The following USH2A variants were observed in gnomAD, a reference collection of about 807,000 sequenced individuals.
The protein encoded by USH2A is Usher syndrome 2A (autosomal recessive, mild).
USH2A carries 443 observed loss-of-function variants against 538.9 expected under a neutral mutation model. The ratio of observed to expected loss-of-function variants is 0.82; its 90% confidence interval spans 0.76 to 0.89. USH2A has a LOEUF of 0.89. Among genes scored for constraint, USH2A ranks in the 40% least tolerant of loss-of-function variants. The pLI is 0.00. For missense variants in USH2A, 6,633 were observed against 6,324.8 expected (o/e 1.05, Z -1.65); for synonymous variants, 2,413 against 2,273.5 (o/e 1.06, Z -1.75).
chr1:215,688,954 A>G (rs538878602), intron 61 of USH2A, among the ~76,000 whole-genome samples: 85 of 152,162 alleles, frequency 5.6e-4, no homozygotes, highest in African/African-American at 1.9e-3. Flanking sequence ...CTAGGGTGGT[A>G]ATGGTAGACA....
At position 215,993,127 on chromosome 1, in the gene USH2A, T is replaced by G. The variant is rs766198162; in HGVS notation, c.6698A>C (p.Glu2233Ala). The G allele has an allele frequency of 1.9e-6, 3 of 1,614,018 alleles. No individual in the cohort carries two copies. The South Asian group carries it at 3.3e-5, about 18-fold the overall frequency. Residue 2233 changes from glutamate (E) to alanine (A), a missense_variant, in exon 35 of 72, where the codon GAG becomes GCG. By Grantham distance (107) the Glu-to-Ala change is moderately radical. Coordinates refer to ENST00000307340, the MANE Select transcript of USH2A (RefSeq NM_206933.4). Reference sequence around the variant, plus strand: ...GGGTATGTCCTCGTCAGTTAGGGCCTCACTGGCCTCACTCACTGTGCACCC... The same window carrying G: ...GGGTATGTCCTCGTCAGTTAGGGCCGCACTGGCCTCACTCACTGTGCACCC... ...GGGCTVSEASEALTDEDIPEG... is the reference protein window; with the variant it reads ...GGGCTVSEASAALTDEDIPEG...
At chr1:215,974,002 A>C (rs2102461089) in intron 35 of USH2A, among the ~76,000 whole-genome samples, 1 of 151,570 alleles carries the variant, frequency 6.6e-6, no homozygotes, top group Admixed American at 6.6e-5. Flanking sequence ...CTGTAGGTAA[A>C]CAGTATTTGA....
intron 32 of USH2A, among the ~76,000 whole-genome samples, chr1:216,008,662 A>G (rs1040128399): frequency 6.6e-6 from 1 of 152,102 alleles, no homozygotes; most frequent in Non-Finnish European, 1.5e-5. Flanking sequence ...AGGTCCTCAG[A>G]CCCACCAGCC....
intron 32 of USH2A, among the ~76,000 whole-genome samples, chr1:216,030,842 T>C (rs528619550): frequency 6.6e-6 from 1 of 151,436 alleles, no homozygotes; most frequent in Non-Finnish European, 1.5e-5. Flanking sequence ...AATACAGAGA[T>C]ACTATTTAGA....
intron 32 of USH2A, among the ~76,000 whole-genome samples, chr1:216,027,356 T>G (rs1350380942): frequency 6.6e-6 from 1 of 152,144 alleles, no homozygotes; most frequent in Non-Finnish European, 1.5e-5. Context: ...AAACCTAACC[T>G]ATGGAAACCT....
intron 1 of USH2A, 140 bp from the exon 2 acceptor site, chr1:216,422,680 G>A (rs1275079612): frequency 3.7e-6 from 1 of 272,822 alleles, no homozygotes; most frequent in African/African-American, 2.2e-5. Flanking sequence ...ACAGTGCTCA[G>A]AGTAAAATAC....
At chr1:215,626,395 C>T (rs1656026234) in intron 71 of USH2A, among the ~76,000 whole-genome samples, 1 of 151,254 alleles carries the variant, frequency 6.6e-6, no homozygotes, top group East Asian at 1.9e-4. Flanking sequence ...AACTCCTGAC[C>T]TCTGGTGATC....
Position 216,240,539 on chromosome 1 carries a change from T to A in USH2A, c.2809+6046A>T, listed in dbSNP as rs376204023. Among the ~76,000 whole-genome samples the A allele has an allele frequency of 4.2e-3, 619 of 147,450 alleles. 5 individuals are homozygous for A. Among genetic ancestry groups the A allele is most frequent in the African/African-American group, 0.015 (591 of 40,248 alleles). On this transcript the variant is annotated intron_variant, in intron 13 of 71. Transcript: ENST00000307340. ...AGGTCGTTAAAAAAAAAAAAAAAAG[T>A]AGAAAAGAAGAAAGAATCTGATTAA...
At chr1:216,368,974 G>A (rs1049510254) in intron 3 of USH2A, among the ~76,000 whole-genome samples, 15 of 151,874 alleles carry the variant, frequency 9.9e-5, no homozygotes, top group East Asian at 1.9e-4. Flanking sequence ...ATTTGACAAC[G>A]TATCTTAAAT....
intron 20 of USH2A, among the ~76,000 whole-genome samples, chr1:216,176,393 G>A (rs414373): frequency 0.95 from 144,538 of 152,114 alleles, 68,730 homozygotes; most frequent in African/African-American, 0.99. Context: ...GTGCCACTAC[G>A]CCCAGTAGAC....
At chr1:215,993,914 G>C (rs75835367) in intron 34 of USH2A, among the ~76,000 whole-genome samples, 16 of 152,142 alleles carry the variant, frequency 1.1e-4, no homozygotes, top group African/African-American at 3.9e-4. Flanking sequence ...AGAAACTTCC[G>C]TGTGCAATTT....
intron 44 of USH2A, among the ~76,000 whole-genome samples, chr1:215,859,571 G>A (rs899763021): frequency 5.3e-5 from 8 of 152,120 alleles, no homozygotes; most frequent in South Asian, 4.1e-4. Context: ...TGCAAAACTC[G>A]TGTAGAAGGC....
chr1:216,273,155 T>C (rs2036607206), intron 11 of USH2A, among the ~76,000 whole-genome samples: 1 of 151,944 alleles, frequency 6.6e-6, no homozygotes, highest in Admixed American at 6.6e-5. Flanking sequence ...AGAAAGCAGA[T>C]GATAGTAAAG....
intron 21 of USH2A, among the ~76,000 whole-genome samples, chr1:216,099,736 T>C (rs1056213725): frequency 3.3e-5 from 5 of 152,126 alleles, no homozygotes; most frequent in African/African-American, 1.2e-4. Context: ...GGTCCATTCT[T>C]TTCACCAATT....
chr1:216,316,438 A>G (rs1000819761), intron 9 of USH2A, among the ~76,000 whole-genome samples: 1 of 152,194 alleles, frequency 6.6e-6, no homozygotes, highest in African/African-American at 2.4e-5. Context: ...GGAGGTTAAG[A>G]AGCTCCGAGT....
At chr1:216,265,083 G>A (rs2036446372) in intron 11 of USH2A, among the ~76,000 whole-genome samples, 1 of 152,006 alleles carries the variant, frequency 6.6e-6, no homozygotes, top group Admixed American at 6.6e-5. Flanking sequence ...ACGACCTACA[G>A]AATGGAAAAA....
At chr1:215,839,687 G>A (rs543945090) in intron 46 of USH2A, among the ~76,000 whole-genome samples, 4 of 152,188 alleles carry the variant, frequency 2.6e-5, no homozygotes, top group African/African-American at 9.6e-5. Context: ...TCTTACTAAT[G>A]TTAACATTCC....
At chr1:215,627,393 C>T (rs896172857) in intron 71 of USH2A, among the ~76,000 whole-genome samples, 2 of 38,450 alleles carry the variant, frequency 5.2e-5, no homozygotes, top group Non-Finnish European at 1.2e-4. Context: ...TCTTTCCTTC[C>T]TTCCTTCCTT....
rs1662880695 is a variant in USH2A, at chr1:215,817,121, G to C, written c.9446C>G (p.Thr3149Arg). Residue 3149 changes from threonine (T) to arginine (R), a missense_variant, in exon 48 of 72, where the codon ACA (threonine) becomes AGA (arginine). By Grantham distance (71) the Thr-to-Arg change is moderately conservative (BLOSUM62 -1). Coordinates refer to ENST00000307340, the MANE Select transcript of USH2A (RefSeq NM_206933.4). ...TTGAGTTTTAGCGCATGGATACCAT[G>C]TTTTCCATAGGAGATCATATCCAAG... ...IILGYDLLWK[T>R]WYPCAKTQKL... 1 of 1,612,818 alleles carries C rather than the reference G, an allele frequency of 6.2e-7. No individual in the cohort carries two copies. The highest frequency in any genetic ancestry group is 1.7e-5 in the Admixed American group (1 of 59,898).
Sources: gnomAD v4.1 joint callset for allele counts (sites outside exome capture counted in the v4.1 genomes callset) on GRCh38, gnomAD v4.1.1 for gene constraint, MANE v1.5 for transcripts, NCBI Gene and HGNC (gene_info 2026-07-23, HGNC 2026-07-21) for gene names.